HS6ST2: variants seen among roughly 807,000 people sequenced by gnomAD.
HS6ST2 encodes the protein heparan sulfate 6-O-sulfotransferase 2, also known as heparan-sulfate 6-O-sulfotransferase 2.
A neutral mutation model predicts 33.0 loss-of-function variants in HS6ST2; 17 were observed. The observed-to-expected ratio is 0.52, with a 90% CI of 0.35 to 0.77. The LOEUF is 0.77. HS6ST2 is among the 30% of genes least tolerant of loss of function. HS6ST2 has a pLI of 0.01. For missense variants in HS6ST2, 519 were observed against 551.7 expected (o/e 0.94, Z 0.59); for synonymous variants, 248 against 237.1 (o/e 1.05, Z -0.42).
At chrX:132,904,871 A>G (rs748907859) in intron 2 of HS6ST2, among the ~76,000 whole-genome samples, 1 of 110,172 alleles carries the variant, frequency 9.1e-6, no homozygotes, top group African/African-American at 3.3e-5. Context: ...ACACTCACAG[A>G]ATTGAGTAAA....
In HS6ST2 at chrX:132,691,569, C is replaced by T. The variant is rs753494605; in HGVS notation, c.980+16893G>A. Among the ~76,000 whole-genome samples, 29 of 111,755 alleles carry T rather than the reference C, an allele frequency of 2.6e-4. No individual in the cohort carries two copies. In the East Asian group the frequency reaches 3.7e-3, roughly 14 times the overall value. On this transcript the variant is annotated intron_variant, in intron 3 of 4. Coordinates refer to ENST00000370833, the MANE Select transcript of HS6ST2 (RefSeq NM_001394073.1). ...TACATATCTGGAAGGTTAAGCACAG[C>T]GCAACCCCAAACAAGAAAAAGTCAA...
chrX:132,713,933 T>C (rs2064252830), intron 2 of HS6ST2, among the ~76,000 whole-genome samples: 1 of 111,779 alleles, frequency 8.9e-6, no homozygotes, highest in African/African-American at 3.3e-5. Flanking sequence ...AATGATCCTA[T>C]ATTGGTTTGA....
Position 132,669,157 on chromosome X carries a change from G to A in HS6ST2, c.1023C>T (p.Asn341=), listed in dbSNP as rs757274441. Residue 341 remains asparagine (N), a synonymous_variant, in exon 4 of 5, where the codon AAC becomes AAT. Transcript: ENST00000370833. Reference sequence around the variant, plus strand: ...TCCGGGTCTTTGTGGATGACGGAGAGTTGGCGCCTGCGTTAGTGTTTGGAG... The same window carrying A: ...TCCGGGTCTTTGTGGATGACGGAGAATTGGCGCCTGCGTTAGTGTTTGGAG... ...RGSPNTNAGA[N]SPSSTKTRNT... is the part of the protein sequence containing the mutation. 5.0e-6 allele frequency: 6 copies of A among 1,209,390 alleles called. No homozygotes were observed. The South Asian group carries it at 1.1e-4, about 21-fold the overall frequency.
At chrX:132,911,638 C>G (rs1602859652) in intron 2 of HS6ST2, among the ~76,000 whole-genome samples, 1 of 91,983 alleles carries the variant, frequency 1.1e-5, no homozygotes, top group African/African-American at 4.2e-5. Context: ...AGCACACACT[C>G]TTTTTTTTTT....
At chrX:132,832,317 C>T (rs1354619795) in intron 2 of HS6ST2, among the ~76,000 whole-genome samples, 2 of 111,754 alleles carry the variant, frequency 1.8e-5, no homozygotes, top group African/African-American at 6.5e-5. Context: ...CAAGGATAGA[C>T]GTCAATTCTG....
At chrX:132,900,292 G>T (rs1328751479) in intron 2 of HS6ST2, among the ~76,000 whole-genome samples, 3 of 111,596 alleles carry the variant, frequency 2.7e-5, no homozygotes, top group African/African-American at 9.8e-5. Flanking sequence ...TCATCACAAG[G>T]AAAATAACAC....
At chrX:132,645,712 A>C (rs989870066) in intron 4 of HS6ST2, among the ~76,000 whole-genome samples, 2 of 112,354 alleles carry the variant, frequency 1.8e-5, no homozygotes, top group Non-Finnish European at 3.8e-5. Flanking sequence ...TCAGCATACC[A>C]AGCACAGTTC....
At chrX:132,928,119 C>CTT (rs1195168624) in intron 2 of HS6ST2, among the ~76,000 whole-genome samples, 8 of 95,562 alleles carry the variant, frequency 8.4e-5, no homozygotes, top group Non-Finnish European at 1.3e-4. Flanking sequence ...TTGCCACACA[C>CTT]TTTTTTTTTT....
intron 2 of HS6ST2, among the ~76,000 whole-genome samples, chrX:132,847,152 T>A (rs1237176134): frequency 1.1e-5 from 1 of 90,771 alleles, no homozygotes; most frequent in Non-Finnish European, 2.2e-5. Context: ...AAGCAAAAGA[T>A]CCTGACTTGA....
At chrX:132,909,349 T>C (rs939593470) in intron 2 of HS6ST2, among the ~76,000 whole-genome samples, 2 of 112,144 alleles carry the variant, frequency 1.8e-5, no homozygotes, top group Admixed American at 1.9e-4. Flanking sequence ...ACAGAGGTTT[T>C]TCAACTGTCA....
chrX:132,927,858 G>GAAAAAAAAAA (rs752332242), intron 2 of HS6ST2, among the ~76,000 whole-genome samples: 1 of 51,992 alleles, frequency 1.9e-5, no homozygotes, highest in Admixed American at 2.2e-4. Flanking sequence ...CCCTGTCTCA[G>GAAAAAAAAAA]AAAAAAAAAA....
chrX:132,822,515 C>A (rs1306915197), intron 2 of HS6ST2, among the ~76,000 whole-genome samples: 1 of 111,655 alleles, frequency 9.0e-6, no homozygotes, highest in Admixed American at 9.5e-5. Flanking sequence ...GCCTGGACTC[C>A]TGATATGTGC....
chrX:132,774,425 C>A (rs1336220855), intron 2 of HS6ST2, among the ~76,000 whole-genome samples: 1 of 112,189 alleles, frequency 8.9e-6, no homozygotes, highest in Non-Finnish European at 1.9e-5. Context: ...CTCCTACAGA[C>A]CGTGTCTCAA....
intron 2 of HS6ST2, among the ~76,000 whole-genome samples, chrX:132,946,305 A>C (rs2066955186): frequency 8.9e-6 from 1 of 112,273 alleles, no homozygotes; most frequent in Non-Finnish European, 1.9e-5. Flanking sequence ...TCATGCTGCT[A>C]TAAAGACACA....
rs1384856082 is a variant in HS6ST2 at position 132,787,180 on chromosome X, TATATATACATATATATATACAC to T, written c.948-78708_948-78687del. On this transcript the variant is annotated intron_variant, in intron 2 of 4. Transcript: ENST00000370833. ...GTATATATATATGTATATATATATATATATATACATATATATATACACATATATATATACACATATATATATA... is the reference window on the plus strand; with the variant it reads ...GTATATATATATGTATATATATATATATATATATATACACATATATATATA... 1.6e-4 allele frequency among the ~76,000 whole-genome samples: 13 copies of T among 81,560 alleles called. 2 individuals are homozygous for T. Among genetic ancestry groups the T allele is most frequent in the African/African-American group, 7.0e-4 (13 of 18,640 alleles). The allele number at this position is 81,560 out of a possible 115,157, so 70.8% of individuals were successfully genotyped here. A position where few individuals can be genotyped will look rare whatever the true frequency, so the allele number is the denominator to read the frequency against.
rs1424667149 is a variant in HS6ST2, at chrX:132,709,267, G to GA, written c.948-774_948-773insT. Among the ~76,000 whole-genome samples, 6 of 112,376 alleles carry GA rather than the reference G, an allele frequency of 5.3e-5. No homozygotes were observed. In the East Asian group the frequency reaches 1.7e-3, roughly 31 times the overall value. On this transcript the variant is annotated intron_variant, in intron 2 of 4. Coordinates refer to ENST00000370833, the MANE Select transcript of HS6ST2 (RefSeq NM_001394073.1). ...TTCAAATGGGCTCAGTTAGCCTTTT[G>GA]TTTTTTATTATGCCAGAACAAGGAA...
At chrX:132,757,708 T>C (rs946098305) in intron 2 of HS6ST2, among the ~76,000 whole-genome samples, 1 of 111,900 alleles carries the variant, frequency 8.9e-6, no homozygotes, top group Non-Finnish European at 1.9e-5. Context: ...AGTGCTTTAG[T>C]GTTTTGTGAC....
intron 2 of HS6ST2, among the ~76,000 whole-genome samples, chrX:132,900,559 A>C (rs951708735): frequency 3.6e-5 from 4 of 111,285 alleles, no homozygotes; most frequent in African/African-American, 1.3e-4. Flanking sequence ...CTAATAAATA[A>C]ATTAATTAAA....
At chrX:132,780,289 T>G (rs1470317097) in intron 2 of HS6ST2, among the ~76,000 whole-genome samples, 1 of 108,163 alleles carries the variant, frequency 9.2e-6, no homozygotes, top group Admixed American at 9.8e-5. Context: ...CCAAATAATT[T>G]TTAGACCTAC....
Sources: gnomAD v4.1 joint callset for allele counts (sites outside exome capture counted in the v4.1 genomes callset) on GRCh38, gnomAD v4.1.1 for gene constraint, MANE v1.5 for transcripts, NCBI Gene and HGNC (gene_info 2026-07-23, HGNC 2026-07-21) for gene names.